SGCZ: variants seen among roughly 807,000 people sequenced by gnomAD.
SGCZ encodes the protein zeta-sarcoglycan.
Under a neutral mutation model 41.3 loss-of-function variants are expected in SGCZ, and 40 were observed. That is an observed-to-expected ratio of 0.97 (90% CI 0.75 to 1.26). The LOEUF is 1.26. Among genes scored for constraint, SGCZ ranks in the 50% most tolerant of loss-of-function variants. The pLI is 0.00. For synonymous variants in SGCZ, 206 were observed against 137.5 expected (o/e 1.50, Z -3.49); for missense variants, 552 against 369.8 (o/e 1.49, Z -4.04).
At chr8:15,086,520 T>C (rs1451388717) in intron 1 of SGCZ, among the ~76,000 whole-genome samples, 5 of 152,180 alleles carry the variant, frequency 3.3e-5, no homozygotes, top group Admixed American at 2.6e-4. Context: ...TGTTCCATCT[T>C]CTCTTCCACA....
chr8:14,805,777 A>AT (rs1479026884), intron 1 of SGCZ, among the ~76,000 whole-genome samples: 1 of 151,854 alleles, frequency 6.6e-6, no homozygotes, highest in Non-Finnish European at 1.5e-5. Context: ...CAGAATATAC[A>AT]TTTTTTTCAG....
chr8:14,179,729 A>G (rs2117019689), intron 4 of SGCZ, among the ~76,000 whole-genome samples: 1 of 152,292 alleles, frequency 6.6e-6, no homozygotes, highest in East Asian at 1.9e-4. Context: ...AACATACTCT[A>G]AGCTGTCACT....
chr8:14,103,449 T>A (rs552044698), intron 6 of SGCZ, among the ~76,000 whole-genome samples: 1 of 152,254 alleles, frequency 6.6e-6, no homozygotes, highest in East Asian at 1.9e-4. Flanking sequence ...CGGGCTCACA[T>A]TCACTGTTAT....
intron 1 of SGCZ, among the ~76,000 whole-genome samples, chr8:14,911,161 A>T (rs1423849680): frequency 6.6e-6 from 1 of 152,086 alleles, no homozygotes; most frequent in Non-Finnish European, 1.5e-5. Flanking sequence ...GAGAAAACAG[A>T]GTAAGCAGAT....
chr8:14,462,354 G>C lies in SGCZ; in HGVS notation c.234+92378C>G, dbSNP rs868832715. Among the ~76,000 whole-genome samples, 3 of 151,798 alleles carry C rather than the reference G, an allele frequency of 2.0e-5. 1 individual carries two copies. The highest frequency in any genetic ancestry group is 4.1e-4 in the South Asian group (2 of 4,828). On this transcript the variant is annotated intron_variant, in intron 2 of 7. Coordinates refer to ENST00000382080, the MANE Select transcript of SGCZ (RefSeq NM_139167.4). Reference sequence around the variant, plus strand: ...ATTTGTGTTCCTTTTTATTATTTTAGTAAAATTTACTATCTTAAATATTTT... The same window carrying C: ...ATTTGTGTTCCTTTTTATTATTTTACTAAAATTTACTATCTTAAATATTTT...
At chr8:14,566,968 A>G (rs1804387620) in intron 1 of SGCZ, among the ~76,000 whole-genome samples, 1 of 152,160 alleles carries the variant, frequency 6.6e-6, no homozygotes, top group Non-Finnish European at 1.5e-5. Flanking sequence ...CGGGCAGTGA[A>G]GGGCTTAGCA....
intron 2 of SGCZ, among the ~76,000 whole-genome samples, chr8:14,409,526 C>T (rs1003215195): frequency 1.2e-4 from 19 of 152,090 alleles, no homozygotes; most frequent in African/African-American, 4.1e-4. Flanking sequence ...ATGGCTGCCT[C>T]ATAAGAACTT....
At chr8:14,407,143 A>G (rs1466183164) in intron 2 of SGCZ, among the ~76,000 whole-genome samples, 1 of 141,786 alleles carries the variant, frequency 7.1e-6, no homozygotes, top group East Asian at 2.1e-4. Context: ...ATCTGGGTAC[A>G]CTGCAACTTC....
intron 1 of SGCZ, among the ~76,000 whole-genome samples, chr8:15,227,117 G>A (rs1801801592): frequency 6.6e-6 from 1 of 152,108 alleles, no homozygotes; most frequent in Non-Finnish European, 1.5e-5. Flanking sequence ...GAGAAAGGTG[G>A]GAGGTGCCCA....
chr8:14,881,439 G>A (rs970969146), intron 1 of SGCZ, among the ~76,000 whole-genome samples: 2 of 152,158 alleles, frequency 1.3e-5, no homozygotes, highest in Admixed American at 6.5e-5. Context: ...TGAACAGGAT[G>A]TCTATGTGGG....
chr8:15,188,990 C>CA (rs140739661), intron 1 of SGCZ, among the ~76,000 whole-genome samples: 17 of 151,684 alleles, frequency 1.1e-4, no homozygotes, highest in Admixed American at 5.9e-4. Flanking sequence ...CATTAAATAT[C>CA]AAAAAAAATA....
chr8:14,388,418 C>T (rs563440563), intron 2 of SGCZ, among the ~76,000 whole-genome samples: 1 of 152,026 alleles, frequency 6.6e-6, no homozygotes, highest in African/African-American at 2.4e-5. Flanking sequence ...GAGAGAGAGA[C>T]AGATTAGGAG....
intron 1 of SGCZ, among the ~76,000 whole-genome samples, chr8:14,826,816 T>C (rs1802340918): frequency 6.6e-6 from 1 of 152,236 alleles, no homozygotes; most frequent in African/African-American, 2.4e-5. Context: ...TTGAGTTCAT[T>C]GTAGATTCTG....
chr8:14,424,064 C>A (rs919975842), intron 2 of SGCZ, among the ~76,000 whole-genome samples: 1 of 152,060 alleles, frequency 6.6e-6, no homozygotes, highest in Non-Finnish European at 1.5e-5. Flanking sequence ...GATAGATCTT[C>A]AGGAATATGT....
chr8:14,774,903 C>G (rs368167501), intron 1 of SGCZ, among the ~76,000 whole-genome samples: 2 of 152,122 alleles, frequency 1.3e-5, no homozygotes, highest in East Asian at 1.9e-4. Context: ...CATGTAGGTA[C>G]TGGCTATATT....
intron 2 of SGCZ, among the ~76,000 whole-genome samples, chr8:14,375,681 A>T (rs185685073): frequency 6.6e-6 from 1 of 152,312 alleles, no homozygotes; most frequent in Non-Finnish European, 1.5e-5. Flanking sequence ...TGTGGAAAAT[A>T]ACACCTCATA....
chr8:14,349,212 A>G (rs1304421388), intron 2 of SGCZ, among the ~76,000 whole-genome samples: 1 of 152,152 alleles, frequency 6.6e-6, no homozygotes, highest in Non-Finnish European at 1.5e-5. Context: ...AATTCGCATT[A>G]CCAAAATCGG....
At chr8:14,680,977 A>AAAAAAAAC (rs1554479494) in intron 1 of SGCZ, among the ~76,000 whole-genome samples, 2 of 151,078 alleles carry the variant, frequency 1.3e-5, no homozygotes, top group African/African-American at 4.9e-5. Flanking sequence ...AAAAAAAAAA[A>AAAAAAAAC]AAAACAGAAA....
chr8:14,879,515 G>C (rs1463822221), intron 1 of SGCZ, among the ~76,000 whole-genome samples: 1 of 151,666 alleles, frequency 6.6e-6, no homozygotes, highest in Non-Finnish European at 1.5e-5. Flanking sequence ...TCAGCCCATT[G>C]TTTTGCTCTG....
Sources: gnomAD v4.1 joint callset for allele counts (sites outside exome capture counted in the v4.1 genomes callset) on GRCh38, gnomAD v4.1.1 for gene constraint, MANE v1.5 for transcripts, NCBI Gene and HGNC (gene_info 2026-07-23, HGNC 2026-07-21) for gene names.